MYMX: variants seen among roughly 807,000 people sequenced by gnomAD.
MYMX encodes protein myomixer.
chr6:44,217,354 A>C (rs1775934962), intron 1 of MYMX, 96 bp from the exon 2 acceptor site: 1 of 397,762 alleles, frequency 2.5e-6, no homozygotes. Context: ...AGGAAGGTGT[A>C]AACTGAAGGG....
chr6:44,217,589 C>G lies in MYMX; in HGVS notation c.118C>G (p.Leu40Val), dbSNP rs1775949915. The G allele has an allele frequency of 2.5e-6, 1 of 401,978 alleles. No homozygotes were observed. Among genetic ancestry groups the G allele is most frequent in the Non-Finnish European group, 4.4e-6 (1 of 227,196 alleles). 24.9% of individuals were successfully genotyped at this position (401,978 alleles called of 1,614,324 possible). ...CCTGCTGCGCCGATTGGCCCGCCGC[C>G]TGGGCTCCCAGGACATGCGAGAGGC... ...LPLLRRLARR[L>V]GSQDMREALL... Residue 40 changes from leucine to valine, a missense_variant, in exon 2 of 2, where the codon CTG (leucine) becomes GTG (valine). Physicochemically the swap from Leu to Val is conservative, Grantham distance 32. Transcript: ENST00000573382.
chr6:44,217,607 C>T lies in MYMX; in HGVS notation c.136C>T (p.Arg46Ter), dbSNP rs1370240821. The T allele has an allele frequency of 7.5e-6, 3 of 401,604 alleles. No homozygotes were observed. Among genetic ancestry groups the T allele is most frequent in the Admixed American group, 4.4e-5 (1 of 22,740 alleles). The allele number at this position is 401,604 out of a possible 1,614,324, so 24.9% of individuals were successfully genotyped here. The change falls in exon 2 of 2, where the codon CGA becomes TGA. Residue 46 changes from arginine (R) to a stop codon, truncating the protein, a stop_gained. Coordinates refer to ENST00000573382, the MANE Select transcript of MYMX (RefSeq NM_001315494.2). LOFTEE classifies it high-confidence loss of function. ...CCGCCGCCTGGGCTCCCAGGACATG[C>T]GAGAGGCTTTGCTGGGCTGTCTGCT... ...LARRLGSQDM[R>*]EALLGCLLFI...
the MYMX span, among the ~76,000 whole-genome samples, chr6:44,205,249 T>A: frequency 1.3e-5 from 2 of 151,462 alleles, no homozygotes; most frequent in Non-Finnish European, 2.9e-5. Flanking sequence ...AAAAAAAAAA[T>A]TCATTAGTCT....
At chr6:44,203,103 G>A in the MYMX span, among the ~76,000 whole-genome samples, 2 of 152,162 alleles carry the variant, frequency 1.3e-5, no homozygotes, top group Admixed American at 6.5e-5. Context: ...ACGGTTCCCC[G>A]TGGAGTACGC....
rs1261132180 is a variant in MYMX at position 44,217,811 on chromosome 6, T to C, written c.*85T>C. 9 of 400,258 alleles carry C rather than the reference T, an allele frequency of 2.2e-5. No individual in the cohort carries two copies. Among genetic ancestry groups the C allele is most frequent in the Non-Finnish European group, 4.4e-6 (1 of 226,262 alleles). The allele number at this position is 400,258 out of a possible 1,614,324, so 24.8% of individuals were successfully genotyped here. ...CCTGGCACCAGCACTGACCGAAGCC[T>C]GCCCAGTGGACAGAAGATATAGTGA... is the stretch of plus-strand genomic sequence containing the variant. On this transcript the variant is annotated 3_prime_UTR_variant, in exon 2 of 2. Coordinates refer to ENST00000573382, the MANE Select transcript of MYMX (RefSeq NM_001315494.2).
At chr6:44,213,587 A>C (rs1426912110), upstream of MYMX, among the ~76,000 whole-genome samples, 3 of 151,316 alleles carry the variant, frequency 2.0e-5, no homozygotes, top group Non-Finnish European at 2.9e-5. Context: ...ACGCCCAGCT[A>C]ATTTTTGTAT....
the MYMX span, among the ~76,000 whole-genome samples, chr6:44,208,222 G>T: frequency 6.7e-6 from 1 of 150,022 alleles, no homozygotes; most frequent in African/African-American, 2.5e-5. Flanking sequence ...ATGCCAGCTT[G>T]GGCAACAGAG....
At chr6:44,211,350 G>A in the MYMX span, among the ~76,000 whole-genome samples, 3 of 152,074 alleles carry the variant, frequency 2.0e-5, no homozygotes, top group South Asian at 2.1e-4. Context: ...GCATACTTTC[G>A]GTTAGGAAAC....
At chr6:44,212,076 A>G (rs1249886456), upstream of MYMX, among the ~76,000 whole-genome samples, 1 of 152,048 alleles carries the variant, frequency 6.6e-6, no homozygotes, top group Non-Finnish European at 1.5e-5. Context: ...ATGCCTGGCT[A>G]AAAGAGAGGA....
At chr6:44,217,063 A>G in intron 1 of MYMX, 95 bp downstream of exon 1, 1 of 171,388 alleles carries the variant, frequency 5.8e-6, no homozygotes, top group Non-Finnish European at 1.2e-5. Context: ...AAAATTGAGA[A>G]TTGCCTGGAG....
chr6:44,193,716 C>T, the MYMX span, among the ~76,000 whole-genome samples: 1 of 152,238 alleles, frequency 6.6e-6, no homozygotes, highest in Non-Finnish European at 1.5e-5. Flanking sequence ...GGCGCGGTGA[C>T]TCATGCCTGT....
At chr6:44,213,899 C>T (rs1047743865), upstream of MYMX, among the ~76,000 whole-genome samples, 10 of 152,238 alleles carry the variant, frequency 6.6e-5, no homozygotes, top group Non-Finnish European at 1.2e-4. Flanking sequence ...CAACCTTGAA[C>T]TCCTGGGCTC....
At chr6:44,214,684 T>G (rs970045582), upstream of MYMX, among the ~76,000 whole-genome samples, 3 of 152,202 alleles carry the variant, frequency 2.0e-5, no homozygotes, top group African/African-American at 7.2e-5. Flanking sequence ...GCAATTCTTC[T>G]GCCTCAGTCT....
intron 1 of MYMX, among the ~76,000 whole-genome samples, chr6:44,217,227 T>C (rs1256557971): frequency 6.6e-6 from 1 of 152,108 alleles, no homozygotes; most frequent in African/African-American, 2.4e-5. Flanking sequence ...TGGTTTACTC[T>C]TGCCTTGGTT....
chr6:44,195,019 A>AT, the MYMX span, among the ~76,000 whole-genome samples: 1 of 151,266 alleles, frequency 6.6e-6, no homozygotes, highest in Non-Finnish European at 1.5e-5. Context: ...TTATTTATTT[A>AT]TTATTATTAT....
At chr6:44,203,550 G>A in the MYMX span, among the ~76,000 whole-genome samples, 1 of 152,202 alleles carries the variant, frequency 6.6e-6, no homozygotes, top group African/African-American at 2.4e-5. Flanking sequence ...GCCTTAGGGT[G>A]AGGACTTTGG....
chr6:44,207,295 C>T, the MYMX span, among the ~76,000 whole-genome samples: 117 of 152,056 alleles, frequency 7.7e-4, 1 homozygote, highest in East Asian at 0.014. Flanking sequence ...CCCACCACCA[C>T]GCCTGGCTAA....
At chr6:44,212,860 C>CAAA (rs138470528), upstream of MYMX, among the ~76,000 whole-genome samples, 134 of 84,010 alleles carry the variant, frequency 1.6e-3, no homozygotes, top group African/African-American at 6.5e-3. Context: ...CTTGTCTCTC[C>CAAA]AAAAAAAAAA....
chr6:44,200,444 A>T, the MYMX span, among the ~76,000 whole-genome samples: 1 of 152,010 alleles, frequency 6.6e-6, no homozygotes, highest in South Asian at 2.1e-4. Context: ...CCTCCCAAGT[A>T]GCTGGGACTA....
Sources: gnomAD v4.1 joint callset for allele counts (sites outside exome capture counted in the v4.1 genomes callset) on GRCh38, gnomAD v4.1.1 for gene constraint, MANE v1.5 for transcripts, NCBI Gene and HGNC (gene_info 2026-07-23, HGNC 2026-07-21) for gene names.